Variants in PAXBP1 observed in about 807,000 individuals in gnomAD.
The protein encoded by PAXBP1 is PAX3- and PAX7-binding protein 1.
A neutral mutation model predicts 119.9 loss-of-function variants in PAXBP1; 44 were observed. The observed-to-expected ratio is 0.37, with a 90% CI of 0.29 to 0.47. PAXBP1 has a LOEUF of 0.47. Among genes scored for constraint, PAXBP1 ranks in the 20% least tolerant of loss-of-function variants. The probability of loss-of-function intolerance (pLI) is 0.99; values close to 1 mark genes in which losing one functional copy is unlikely to be tolerated. For synonymous variants in PAXBP1, 393 were observed against 406.6 expected, an observed-to-expected ratio of 0.97 and a Z score of 0.40; for missense variants, 898 against 1,134.1, an observed-to-expected ratio of 0.79 and a Z score of 2.99.
rs1157975776 is a variant in PAXBP1 at position 32,753,440 on chromosome 21, A to AC, written c.1507+1789_1507+1790insG. Among the ~76,000 whole-genome samples the AC allele has an allele frequency of 4.6e-3, 704 of 151,968 alleles. 5 individuals carry two copies. The highest frequency in any genetic ancestry group is 0.016 in the African/African-American group (670 of 41,436). ...GACTCCGTCTCAAAAAAAAAAAAAA[A>AC]AAAAAAACATTATACTTAAAACATC... On this transcript the variant is annotated intron_variant, in intron 8 of 17. Coordinates refer to ENST00000331923, the MANE Select transcript of PAXBP1 (RefSeq NM_016631.4).
At chr21:32,759,742 A>T in intron 6 of PAXBP1, 35 bp downstream of exon 6, 1 of 1,542,912 alleles carries the variant, frequency 6.5e-7, no homozygotes, top group Non-Finnish European at 8.9e-7. Flanking sequence ...ACAGAAAGCT[A>T]GCGGACAGGT....
At chr21:32,739,761 C>G (rs2043749199) in intron 15 of PAXBP1, among the ~76,000 whole-genome samples, 1 of 151,106 alleles carries the variant, frequency 6.6e-6, no homozygotes. Context: ...AAAAAAGTAG[C>G]CGGGCGTGGT....
intron 2 of PAXBP1, among the ~76,000 whole-genome samples, chr21:32,767,778 A>G (rs1469174124): frequency 1.3e-5 from 2 of 152,180 alleles, no homozygotes; most frequent in Non-Finnish European, 2.9e-5. Context: ...AAGTCCAATT[A>G]AACCTCTTTT....
chr21:32,766,676 CACCCAACCTA>C (rs1404760821), intron 2 of PAXBP1, among the ~76,000 whole-genome samples: 2 of 152,212 alleles, frequency 1.3e-5, no homozygotes, highest in African/African-American at 4.8e-5. Flanking sequence ...CCTTTGATTT[CACCCAACCTA>C]ACCCAATGGC....
In PAXBP1 at chr21:32,743,236, A is replaced by G; in HGVS notation, c.2334+12T>C. 6.4e-7 allele frequency: 1 copy of G among 1,567,440 alleles called. No homozygotes were observed. The highest frequency in any genetic ancestry group is 8.6e-7 in the Non-Finnish European group (1 of 1,160,242). On this transcript the variant is annotated intron_variant, in intron 15 of 17. Coordinates refer to ENST00000331923, the MANE Select transcript of PAXBP1 (RefSeq NM_016631.4). ...GAAATCTGAGTCTTTTAGATAGTCT[A>G]TGGACACGTACCTTAACTGAAGACC...
At chr21:32,750,881 C>G in intron 10 of PAXBP1, 36 bp downstream of exon 10, 3 of 1,490,638 alleles carry the variant, frequency 2.0e-6, no homozygotes, top group Non-Finnish European at 2.8e-6. Flanking sequence ...AGAAACTAAA[C>G]TGATGATGAG....
chr21:32,771,216 G>T (rs768635084), intron 1 of PAXBP1, 110 bp downstream of exon 1: 310 of 1,040,906 alleles, frequency 3.0e-4, no homozygotes, highest in Non-Finnish European at 3.4e-4. Context: ...GACGGCAGGG[G>T]ACTCCGTTCC....
chr21:32,749,202 T>TC (rs2043921408), intron 10 of PAXBP1, among the ~76,000 whole-genome samples: 1 of 152,182 alleles, frequency 6.6e-6, no homozygotes, highest in East Asian at 1.9e-4. Flanking sequence ...TAAGATTTTT[T>TC]TTTTTTTTTT....
At chr21:32,745,496 C>T in intron 12 of PAXBP1, 78 bp downstream of exon 12, 1 of 1,556,806 alleles carries the variant, frequency 6.4e-7, no homozygotes, top group Non-Finnish European at 8.8e-7. Context: ...GAAACATGCT[C>T]TGAATTATAA....
At chr21:32,756,034 A>T (rs972697274) in intron 7 of PAXBP1, 4 of 206,822 alleles carry the variant, frequency 1.9e-5, no homozygotes, top group African/African-American at 9.6e-5. Context: ...CAAATGTTTA[A>T]ATTCTCCCAT....
intron 17 of PAXBP1, among the ~76,000 whole-genome samples, chr21:32,736,941 A>G (rs575002481): frequency 1.3e-5 from 2 of 152,332 alleles, no homozygotes; most frequent in South Asian, 2.1e-4. Flanking sequence ...AAATCTGCAT[A>G]ATGAAACTCC....
Position 32,748,714 on chromosome 21 carries a change from C to T in PAXBP1, c.1724-16G>A. Reference sequence around the variant, plus strand: ...GAAATTCGATCTAAAAACAACAAAACCCCACAGAGAACCATACATTAGTAT... The same window carrying T: ...GAAATTCGATCTAAAAACAACAAAATCCCACAGAGAACCATACATTAGTAT... On this transcript the variant is annotated splice_polypyrimidine_tract_variant and intron_variant, in intron 10 of 17. Coordinates refer to ENST00000331923, the MANE Select transcript of PAXBP1 (RefSeq NM_016631.4). 6.2e-7 allele frequency: 1 copy of T among 1,603,040 alleles called. No individual in the cohort carries two copies. Among genetic ancestry groups the T allele is most frequent in the Non-Finnish European group, 8.5e-7 (1 of 1,175,058 alleles).
intron 2 of PAXBP1, among the ~76,000 whole-genome samples, chr21:32,766,621 C>T (rs1431650732): frequency 2.0e-5 from 3 of 152,144 alleles, no homozygotes; most frequent in African/African-American, 7.2e-5. Context: ...GGACCTGCTG[C>T]CCTCTACTTC....
chr21:32,769,062 T>A (rs538660202), intron 2 of PAXBP1, among the ~76,000 whole-genome samples: 2 of 152,354 alleles, frequency 1.3e-5, no homozygotes, highest in East Asian at 3.9e-4. Flanking sequence ...TTATGAGATA[T>A]TGTCTTCACA....
At chr21:32,743,425 A>T in intron 14 of PAXBP1, 111 bp from the exon 15 acceptor site, 1 of 795,670 alleles carries the variant, frequency 1.3e-6, no homozygotes, top group East Asian at 2.8e-5. Flanking sequence ...ATAAATTTTT[A>T]ATTTTTCAAA....
intron 2 of PAXBP1, among the ~76,000 whole-genome samples, chr21:32,768,421 A>ATT (rs2044278282): frequency 6.6e-6 from 1 of 152,212 alleles, no homozygotes; most frequent in Non-Finnish European, 1.5e-5. Context: ...TTTCTTTTAA[A>ATT]TCCAATATGG....
intron 3 of PAXBP1, among the ~76,000 whole-genome samples, chr21:32,763,969 A>C (rs1321524816): frequency 3.3e-5 from 5 of 150,748 alleles, no homozygotes; most frequent in Non-Finnish European, 7.4e-5. Flanking sequence ...CCTGGGCAAC[A>C]AAAGGGAAAC....
chr21:32,738,683 T>C (rs2043728899), intron 15 of PAXBP1, among the ~76,000 whole-genome samples: 1 of 152,008 alleles, frequency 6.6e-6, no homozygotes, highest in Non-Finnish European at 1.5e-5. Context: ...CGCCCCGCGC[T>C]GCCCACAAAA....
rs765853423 is a variant in PAXBP1 at position 32,744,810 on chromosome 21, T to C, written c.2172A>G (p.Ala724=). 3.2e-6 allele frequency: 5 copies of C among 1,587,068 alleles called. No individual in the cohort carries two copies. In the African/African-American group the frequency reaches 6.8e-5, roughly 22 times the overall value. ...AAATTACCTGTGTATTTTTATTTTC[T>C]GCATTCACTACTGAAGGATATCCAT... ...LINGYPSVVN[A]ENKNTQVYLK... Residue 724 remains alanine, a synonymous_variant, in exon 13 of 18, where the codon GCA becomes GCG. Coordinates refer to ENST00000331923, the MANE Select transcript of PAXBP1 (RefSeq NM_016631.4).
Sources: gnomAD v4.1 joint callset for allele counts (sites outside exome capture counted in the v4.1 genomes callset) on GRCh38, gnomAD v4.1.1 for gene constraint, MANE v1.5 for transcripts, NCBI Gene and HGNC (gene_info 2026-07-23, HGNC 2026-07-21) for gene names.